Variants in UBE2Z observed in about 807,000 individuals in gnomAD.
UBE2Z encodes the protein ubiquitin conjugating enzyme E2 Z.
A neutral mutation model predicts 32.6 loss-of-function variants in UBE2Z; 10 were observed. The ratio of observed to expected loss-of-function variants is 0.31; its 90% CI spans 0.19 to 0.52. UBE2Z has a LOEUF of 0.52. Ranked by LOEUF, UBE2Z falls within the 20% of genes least tolerant of loss-of-function variation. UBE2Z has a pLI of 0.97. For synonymous variants in UBE2Z, 183 were observed against 190.8 expected (o/e 0.96, Z 0.34); for missense variants, 343 against 480.9 (o/e 0.71, Z 2.68).
intron 1 of UBE2Z, chr17:48,910,297 A>T (rs2040666841): frequency 6.5e-6 from 1 of 154,566 alleles, no homozygotes; most frequent in African/African-American, 2.4e-5. Context: ...GAAGGCCACC[A>T]TGATAGTCTT....
intron 1 of UBE2Z, among the ~76,000 whole-genome samples, chr17:48,910,088 G>A (rs1338353709): frequency 6.6e-6 from 1 of 152,104 alleles, no homozygotes; most frequent in African/African-American, 2.4e-5. Flanking sequence ...ACCCTAGCAA[G>A]TCCCTAGGCT....
intron 4 of UBE2Z, among the ~76,000 whole-genome samples, chr17:48,917,900 G>A (rs534879560): frequency 1.3e-5 from 2 of 152,252 alleles, no homozygotes; most frequent in African/African-American, 2.4e-5. Context: ...AGTCCCAAAA[G>A]AAAATGATTC....
chr17:48,926,955 T>C lies in UBE2Z; in HGVS notation c.895-9T>C. The C allele has an allele frequency of 6.2e-7, 1 of 1,610,140 alleles. No homozygotes were observed. Among genetic ancestry groups the C allele is most frequent in the Non-Finnish European group, 8.5e-7 (1 of 1,178,080 alleles). On this transcript the variant is annotated splice_polypyrimidine_tract_variant and intron_variant, in intron 6 of 6. Transcript: ENST00000360943. ...GAATCTTCCATCCCCTTGTCTCCTTTCCCCACAGGACCCTTTTGGAGAGAA... is the reference window on the plus strand; with the variant it reads ...GAATCTTCCATCCCCTTGTCTCCTTCCCCCACAGGACCCTTTTGGAGAGAA...
intron 6 of UBE2Z, among the ~76,000 whole-genome samples, chr17:48,923,782 G>C (rs959682356): frequency 2.6e-5 from 4 of 150,992 alleles, no homozygotes; most frequent in African/African-American, 7.3e-5. Flanking sequence ...ACTCAGGCTG[G>C]AGTGCAGTAG....
chr17:48,922,691 C>A (rs532738034), intron 5 of UBE2Z, among the ~76,000 whole-genome samples, 156 bp from the exon 6 acceptor site: 1 of 151,550 alleles, frequency 6.6e-6, no homozygotes, highest in Non-Finnish European at 1.5e-5. Flanking sequence ...TGCATGAATC[C>A]GGGAGGCAGA....
intron 4 of UBE2Z, 89 bp downstream of exon 4, chr17:48,916,276 GAC>G: frequency 2.2e-6 from 1 of 446,122 alleles, no homozygotes; most frequent in Non-Finnish European, 3.5e-6. Flanking sequence ...TTTTTTTTGA[GAC>G]AGAGTCTTCC....
chr17:48,912,375 C>T (rs1305912249), intron 2 of UBE2Z: 1 of 156,210 alleles, frequency 6.4e-6, no homozygotes, highest in Non-Finnish European at 1.4e-5. Context: ...TGGGCAAATC[C>T]AAACATATAT....
At chr17:48,923,148 C>T (rs867453176) in intron 6 of UBE2Z, 19 of 381,706 alleles carry the variant, frequency 5.0e-5, no homozygotes, top group African/African-American at 1.7e-4. Context: ...GGTGAAACCC[C>T]GTCTCTACTA....
At chr17:48,920,591 A>G (rs1414764675) in intron 4 of UBE2Z, among the ~76,000 whole-genome samples, 1 of 151,920 alleles carries the variant, frequency 6.6e-6, no homozygotes, top group Non-Finnish European at 1.5e-5. Flanking sequence ...GAGGATCGCT[A>G]GAGCCCAGGA....
chr17:48,910,519 C>T (rs553090870), intron 1 of UBE2Z: 1 of 325,852 alleles, frequency 3.1e-6, no homozygotes, highest in Admixed American at 4.2e-5. Context: ...TGGAAAGTGG[C>T]TTTTCCAGGC....
At chr17:48,915,877 T>G in intron 3 of UBE2Z, 199 bp from the exon 4 acceptor site, 12 of 236,846 alleles carry the variant, frequency 5.1e-5, no homozygotes, top group East Asian at 2.4e-4. Context: ...CCCCCCCCCT[T>G]GATTTGAGGA....
At chr17:48,910,518 G>A (rs1353969176) in intron 1 of UBE2Z, 7 of 327,364 alleles carry the variant, frequency 2.1e-5, no homozygotes, top group Non-Finnish European at 5.7e-6. Context: ...GTGGAAAGTG[G>A]CTTTTCCAGG....
chr17:48,909,203 C>T (rs1448329454), intron 1 of UBE2Z, among the ~76,000 whole-genome samples: 2 of 151,330 alleles, frequency 1.3e-5, no homozygotes, highest in African/African-American at 2.4e-5. Flanking sequence ...CCACCCCAAC[C>T]TTGCTAGATG....
intron 5 of UBE2Z, among the ~76,000 whole-genome samples, chr17:48,922,121 A>C (rs191498868): frequency 8.7e-4 from 132 of 152,212 alleles, no homozygotes; most frequent in Admixed American, 3.7e-3. Context: ...TCCTTTTTCC[A>C]AAAGGAACTG....
chr17:48,914,193 C>T (rs945697993), intron 3 of UBE2Z, among the ~76,000 whole-genome samples: 1 of 152,094 alleles, frequency 6.6e-6, no homozygotes, highest in African/African-American at 2.4e-5. Context: ...TCAGTGTGGA[C>T]ATCTTCTCGC....
intron 3 of UBE2Z, among the ~76,000 whole-genome samples, chr17:48,913,572 C>A (rs911491710): frequency 6.6e-6 from 1 of 152,152 alleles, no homozygotes; most frequent in Non-Finnish European, 1.5e-5. Context: ...CCAGGATGGT[C>A]TCGATCTCTT....
intron 5 of UBE2Z, among the ~76,000 whole-genome samples, chr17:48,922,156 A>G (rs1328152106): frequency 6.6e-6 from 1 of 152,192 alleles, no homozygotes; most frequent in Non-Finnish European, 1.5e-5. Context: ...TGGGAGGCCA[A>G]GGAAGGCAGA....
intron 4 of UBE2Z, among the ~76,000 whole-genome samples, chr17:48,918,032 G>T (rs746221716): frequency 7.9e-5 from 12 of 152,132 alleles, no homozygotes; most frequent in Non-Finnish European, 1.6e-4. Flanking sequence ...TGCCTCCCAG[G>T]TTCAAGTGAT....
chr17:48,926,895 G>T, intron 6 of UBE2Z, 69 bp from the exon 7 acceptor site: 1 of 1,515,760 alleles, frequency 6.6e-7, no homozygotes, highest in Non-Finnish European at 8.9e-7. Context: ...ACATGGGCCC[G>T]AAGTTGCTTT....
Sources: gnomAD v4.1 joint callset for allele counts (sites outside exome capture counted in the v4.1 genomes callset) on GRCh38, gnomAD v4.1.1 for gene constraint, MANE v1.5 for transcripts, NCBI Gene and HGNC (gene_info 2026-07-23, HGNC 2026-07-21) for gene names.